RAB28: variants seen among roughly 807,000 people sequenced by gnomAD.
RAB28 encodes the protein RAB28, member RAS oncogene family.
In RAB28, 24 loss-of-function variants were observed where a neutral mutation model predicts 31.7. That is an observed-to-expected ratio of 0.76 (90% confidence interval 0.55 to 1.06). The LOEUF (loss-of-function observed/expected upper bound fraction) is 1.06, where lower values mean the gene tolerates loss of function less well. Ranked by LOEUF, RAB28 falls within the 50% of genes least tolerant of loss-of-function variation. The probability of loss-of-function intolerance (pLI) is 0.00; values close to 1 mark genes in which losing one functional copy is unlikely to be tolerated. For missense variants in RAB28, 254 were observed against 258.5 expected (o/e 0.98, Z 0.12); for synonymous variants, 100 against 90.4 (o/e 1.11, Z -0.60).
intron 4 of RAB28, among the ~76,000 whole-genome samples, chr4:13,416,817 G>T (rs1158968786): frequency 1.3e-5 from 2 of 152,234 alleles, no homozygotes; most frequent in Non-Finnish European, 1.5e-5. Flanking sequence ...CTCCCAGTGT[G>T]ATCAACACAG....
intron 4 of RAB28, among the ~76,000 whole-genome samples, chr4:13,388,118 T>C (rs186678497): frequency 6.6e-6 from 1 of 151,956 alleles, no homozygotes; most frequent in African/African-American, 2.4e-5. Context: ...ACTTGGAGAG[T>C]CGGATACGCC....
Position 13,367,770 on chromosome 4 carries a change from G to T in RAB28, c.*788C>A. 1 of 985,066 alleles carries T rather than the reference G, an allele frequency of 1.0e-6. No homozygotes were observed. Among genetic ancestry groups the T allele is most frequent in the Non-Finnish European group, 1.2e-6 (1 of 829,692 alleles). 61.0% of individuals were successfully genotyped at this position (985,066 alleles called of 1,614,324 possible). A position where few individuals can be genotyped will look rare whatever the true frequency, so the allele number is the denominator to read the frequency against. The stretch of plus-strand genomic sequence containing the variant: ...TGAAAGAAAAACATCTGAACATCAG[G>T]TACAGTCTGATCCACAATGTCATAA... On this transcript the variant is annotated 3_prime_UTR_variant, in exon 7 of 7. Transcript: ENST00000330852.
intron 5 of RAB28, 121 bp downstream of exon 5, chr4:13,381,370 G>A: frequency 1.6e-6 from 1 of 637,764 alleles, no homozygotes; most frequent in East Asian, 2.9e-5. Flanking sequence ...CTAATCTAAG[G>A]AATTTCATGT....
intron 4 of RAB28, among the ~76,000 whole-genome samples, chr4:13,450,856 G>A (rs568013778): frequency 2.6e-5 from 4 of 151,844 alleles, no homozygotes; most frequent in Admixed American, 1.3e-4. Flanking sequence ...AATGAATTTG[G>A]AATGTTTTGG....
At chr4:13,398,650 C>A (rs945920822) in intron 4 of RAB28, among the ~76,000 whole-genome samples, 2 of 151,866 alleles carry the variant, frequency 1.3e-5, no homozygotes, top group East Asian at 3.9e-4. Flanking sequence ...TGATGGCGGG[C>A]GCCTGTAGTC....
At chr4:13,481,707 C>T (rs894909846) in intron 1 of RAB28, among the ~76,000 whole-genome samples, 5 of 151,824 alleles carry the variant, frequency 3.3e-5, no homozygotes, top group African/African-American at 1.2e-4. Context: ...GAAATAGAAA[C>T]ACGTGATACT....
At chr4:13,427,879 G>A (rs569366062) in intron 4 of RAB28, among the ~76,000 whole-genome samples, 45 of 152,324 alleles carry the variant, frequency 3.0e-4, no homozygotes, top group Middle Eastern at 3.4e-3. Context: ...CACAGACACC[G>A]AGTTAAAGAA....
chr4:13,371,727 T>G (rs1728720121), intron 6 of RAB28: 1 of 1,539,424 alleles, frequency 6.5e-7, no homozygotes, highest in African/African-American at 1.4e-5. Flanking sequence ...GTGGTTTCAC[T>G]GTAGTCAGCT....
At chr4:13,400,757 T>C (rs763588605) in intron 4 of RAB28, among the ~76,000 whole-genome samples, 2 of 152,222 alleles carry the variant, frequency 1.3e-5, no homozygotes, top group Non-Finnish European at 2.9e-5. Flanking sequence ...ATTCCTGATT[T>C]GCTGAGACTT....
At chr4:13,408,081 T>C (rs987046542) in intron 4 of RAB28, among the ~76,000 whole-genome samples, 4 of 152,222 alleles carry the variant, frequency 2.6e-5, no homozygotes, top group African/African-American at 9.6e-5. Flanking sequence ...GGAATCCTTG[T>C]CTTGTGCTGG....
intron 4 of RAB28, among the ~76,000 whole-genome samples, chr4:13,458,004 G>C (rs1253730129): frequency 1.3e-5 from 2 of 152,112 alleles, no homozygotes; most frequent in East Asian, 1.9e-4. Context: ...CGCTTTGTAT[G>C]ACAACTAAAA....
At chr4:13,421,616 G>A (rs889427758) in intron 4 of RAB28, among the ~76,000 whole-genome samples, 1 of 152,166 alleles carries the variant, frequency 6.6e-6, no homozygotes, top group Admixed American at 6.5e-5. Context: ...ACAACCATCT[G>A]ATCTTCGACA....
At chr4:13,480,870 T>A (rs902490116) in intron 1 of RAB28, among the ~76,000 whole-genome samples, 15 of 151,294 alleles carry the variant, frequency 9.9e-5, no homozygotes, top group Admixed American at 3.3e-4. Context: ...TTACAGACCA[T>A]TGTTTCTCAT....
intron 4 of RAB28, chr4:13,460,009 C>A: frequency 1.3e-6 from 1 of 757,912 alleles, no homozygotes; most frequent in Non-Finnish European, 2.0e-6. Context: ...TTATAATAGA[C>A]CACGCATCAA....
chr4:13,435,308 C>T (rs188761623), intron 4 of RAB28, among the ~76,000 whole-genome samples: 5 of 151,650 alleles, frequency 3.3e-5, no homozygotes, highest in East Asian at 1.9e-4. Context: ...TAATGTCACA[C>T]CTAAAGGAAC....
intron 4 of RAB28, among the ~76,000 whole-genome samples, chr4:13,406,545 T>C (rs538470761): frequency 1.1e-4 from 16 of 152,308 alleles, no homozygotes; most frequent in Middle Eastern, 6.8e-3. Context: ...TCAAATGGTA[T>C]TTCTGGTTCT....
At chr4:13,388,286 C>T (rs558996069) in intron 4 of RAB28, among the ~76,000 whole-genome samples, 4 of 152,114 alleles carry the variant, frequency 2.6e-5, no homozygotes, top group South Asian at 4.1e-4. Context: ...ATCTCTTCAA[C>T]AAATTATGTT....
At chr4:13,381,389 G>A in intron 5 of RAB28, 102 bp downstream of exon 5, 1 of 735,724 alleles carries the variant, frequency 1.4e-6, no homozygotes, top group Non-Finnish European at 2.3e-6. Context: ...GTTTTCAATA[G>A]GAATTAATTT....
At chr4:13,382,311 T>C (rs1189217669) in intron 4 of RAB28, among the ~76,000 whole-genome samples, 1 of 152,178 alleles carries the variant, frequency 6.6e-6, no homozygotes, top group Non-Finnish European at 1.5e-5. Context: ...TATTTAACAG[T>C]TTCTCTTTTT....
Sources: gnomAD v4.1 joint callset for allele counts (sites outside exome capture counted in the v4.1 genomes callset) on GRCh38, gnomAD v4.1.1 for gene constraint, MANE v1.5 for transcripts, NCBI Gene and HGNC (gene_info 2026-07-23, HGNC 2026-07-21) for gene names.